The following PIGN variants were observed in gnomAD, a reference collection of about 807,000 sequenced individuals.
PIGN encodes the protein GPI ethanolamine phosphate transferase 1.
In PIGN, 117 loss-of-function variants were observed where a neutral mutation model predicts 125.4. The ratio of observed to expected loss-of-function variants is 0.93; its 90% CI spans 0.80 to 1.09. The LOEUF is 1.09. Ranked by LOEUF, PIGN falls within the 50% of genes least tolerant of loss-of-function variation. The probability of loss-of-function intolerance (pLI) is 0.00; values close to 1 mark genes in which losing one functional copy is unlikely to be tolerated. For synonymous variants in PIGN, 392 were observed against 377.8 expected (o/e 1.04, Z -0.44); for missense variants, 1,075 against 1,094.9 (o/e 0.98, Z 0.26).
downstream of PIGN, among the ~76,000 whole-genome samples, chr18:62,038,663 T>A (rs1343979031): frequency 1.3e-5 from 2 of 152,166 alleles, no homozygotes; most frequent in Admixed American, 1.3e-4. Flanking sequence ...CTGGGCACAG[T>A]GGCTCGTGCC....
Position 62,072,729 on chromosome 18 carries a change from T to TA in PIGN, c.2620-5dup, listed in dbSNP as rs11437076. The TA allele has an allele frequency of 0.2, 280,576 of 1,380,380 alleles. 5,345 individuals carry two copies. The highest frequency in any genetic ancestry group is 0.41 in the East Asian group (16,574 of 40,478). 85.5% of individuals were successfully genotyped at this position (1,380,380 alleles called of 1,614,324 possible). ...CCTTGACCAAGAAGAAAAAATGCTG[T>TA]AAAAAAAAAAAAAGGCTTAATGAAA... is the stretch of plus-strand genomic sequence containing the variant. On this transcript the variant is annotated splice_polypyrimidine_tract_variant and splice_region_variant and intron_variant, in intron 29 of 30. Transcript: ENST00000640252.
intron 30 of PIGN, among the ~76,000 whole-genome samples, chr18:62,058,198 C>T (rs1599415800): frequency 6.7e-6 from 1 of 149,034 alleles, no homozygotes; most frequent in South Asian, 2.1e-4. Context: ...ATTTCCTTAA[C>T]CCTTTTTCCT....
intron 23 of PIGN, among the ~76,000 whole-genome samples, chr18:62,034,161 T>C (rs1235390365): frequency 1.3e-5 from 2 of 152,232 alleles, no homozygotes; most frequent in African/African-American, 4.8e-5. Flanking sequence ...TGAGGACCAA[T>C]AGATAAAATA....
intron 28 of PIGN, among the ~76,000 whole-genome samples, chr18:62,078,503 CA>C (rs1265476184): frequency 1.3e-5 from 2 of 152,338 alleles, no homozygotes; most frequent in Non-Finnish European, 2.9e-5. Context: ...TACTGACTCT[CA>C]GAGGCCTTCA....
At chr18:62,156,382 G>T (rs1001516243) in intron 6 of PIGN, among the ~76,000 whole-genome samples, 1 of 152,050 alleles carries the variant, frequency 6.6e-6, no homozygotes, top group African/African-American at 2.4e-5. Flanking sequence ...AGGCTGGAGT[G>T]CAGTGGCATA....
chr18:62,154,521 T>C (rs978812841), intron 7 of PIGN, 24 bp downstream of exon 7: 1 of 1,074,716 alleles, frequency 9.3e-7, no homozygotes, highest in Non-Finnish European at 1.4e-6. Flanking sequence ...GCTTTTTGTA[T>C]ATTAACCACT....
intron 15 of PIGN, among the ~76,000 whole-genome samples, chr18:62,114,089 C>T (rs754551326): frequency 4.6e-5 from 7 of 152,060 alleles, no homozygotes; most frequent in East Asian, 3.9e-4. Context: ...GGGCCGGGTG[C>T]GGTGGCTCAT....
In PIGN at chr18:62,148,041, T is replaced by C. The variant is rs1251201567; in HGVS notation, c.674+173A>G. Among the ~76,000 whole-genome samples the C allele has an allele frequency of 2.6e-5, 4 of 152,110 alleles. No homozygotes were observed. In the East Asian group the frequency reaches 7.7e-4, roughly 29 times the overall value. ...ATGTGCCATCTGGATACAGCACATA[T>C]GATTTAAACGACTATATTGGAAATC... On this transcript the variant is annotated intron_variant, in intron 8 of 30. Transcript: ENST00000640252.
In PIGN at chr18:62,094,092, T is replaced by G. The variant is rs554965235; in HGVS notation, c.2180+1756A>C. On this transcript the variant is annotated intron_variant, in intron 23 of 30. Coordinates refer to ENST00000640252, the MANE Select transcript of PIGN (RefSeq NM_176787.5). ...TTATGATTATGCTTATTATGATAATTTGTTTGGGCATCTCCTATGACTATT... is the reference window on the plus strand; with the variant it reads ...TTATGATTATGCTTATTATGATAATGTGTTTGGGCATCTCCTATGACTATT... Among the ~76,000 whole-genome samples the G allele has an allele frequency of 2.6e-5, 4 of 152,182 alleles. No individual in the cohort carries two copies. The South Asian group carries it at 8.3e-4, about 32-fold the overall frequency.
intron 14 of PIGN, among the ~76,000 whole-genome samples, chr18:62,127,967 T>C (rs914055916): frequency 1.3e-5 from 2 of 152,106 alleles, no homozygotes; most frequent in African/African-American, 4.8e-5. Flanking sequence ...AGAAAATGCA[T>C]GGGAAACTAC....
At chr18:62,142,141 T>C (rs548665235) in intron 11 of PIGN, among the ~76,000 whole-genome samples, 1 of 152,374 alleles carries the variant, frequency 6.6e-6, no homozygotes, top group South Asian at 2.1e-4. Flanking sequence ...GTATCTGTTC[T>C]TACCCCTAAG....
At chr18:62,020,878 G>A (rs975981192) in intron 23 of PIGN, among the ~76,000 whole-genome samples, 4 of 151,346 alleles carry the variant, frequency 2.6e-5, no homozygotes, top group Non-Finnish European at 4.4e-5. Context: ...GGAGAATGGC[G>A]TGAACCTGGC....
chr18:62,110,076 A>G (rs940404363), intron 16 of PIGN, 103 bp from the exon 17 acceptor site: 4 of 1,005,112 alleles, frequency 4.0e-6, no homozygotes, highest in African/African-American at 3.2e-5. Context: ...CTTTCTTTCA[A>G]TGGTTATACT....
intron 29 of PIGN, among the ~76,000 whole-genome samples, 193 bp downstream of exon 29, chr18:62,074,585 CT>C (rs1267128872): frequency 2.0e-5 from 3 of 152,128 alleles, no homozygotes; most frequent in African/African-American, 7.2e-5. Flanking sequence ...AGTAGTAAGA[CT>C]TTTGACACCT....
intron 23 of PIGN, among the ~76,000 whole-genome samples, 159 bp downstream of exon 23, chr18:62,095,689 A>G (rs1375872074): frequency 6.6e-6 from 1 of 152,206 alleles, no homozygotes; most frequent in Non-Finnish European, 1.5e-5. Flanking sequence ...TTACAGATCA[A>G]GTCAGATACA....
rs2036943101 is a variant in PIGN, at chr18:62,161,266, G to T, written c.88C>A (p.His30Asn). Residue 30 changes from histidine (H) to asparagine (N), a missense_variant, in exon 4 of 31, where the codon CAT (histidine) becomes AAT (asparagine). Coordinates refer to ENST00000640252, the MANE Select transcript of PIGN (RefSeq NM_176787.5). ...GGTGTAAACTGAGGAGTCATTCCAT[G>T]AACCAAAGGAGATGTAAAATAAATG... ...FDIYFTSPLV[H>N]GMTPQFTPLP... 6.2e-7 allele frequency: 1 copy of T among 1,613,490 alleles called. No homozygotes were observed. Among genetic ancestry groups the T allele is most frequent in the Admixed American group, 1.7e-5 (1 of 59,952 alleles).
At chr18:62,100,610 G>C (rs1045044553) in intron 22 of PIGN, among the ~76,000 whole-genome samples, 1 of 152,112 alleles carries the variant, frequency 6.6e-6, no homozygotes, top group Non-Finnish European at 1.5e-5. Context: ...TAATTAAGAG[G>C]ACTACATAGA....
At chr18:62,137,291 A>C in intron 14 of PIGN, 1 of 413,704 alleles carries the variant, frequency 2.4e-6, no homozygotes. Flanking sequence ...TTGGCCACAG[A>C]CTGAAGGCTA....
chr18:62,042,402 A>T lies in PIGN; in HGVS notation c.*3454T>A, dbSNP rs1006181714. The T allele has an allele frequency of 6.6e-6, 1 of 152,228 alleles. No individual in the cohort carries two copies. The highest frequency in any genetic ancestry group is 1.5e-5 in the Non-Finnish European group (1 of 68,038). 9.4% of individuals were successfully genotyped at this position (152,228 alleles called of 1,614,324 possible). A position where few individuals can be genotyped will look rare whatever the true frequency, so the allele number is the denominator to read the frequency against. Reference sequence around the variant, plus strand: ...TTACAAGGAACCAATGTTCTAAGGGACAATCTCTGATAAATGCTGCTGTGT... The same window carrying T: ...TTACAAGGAACCAATGTTCTAAGGGTCAATCTCTGATAAATGCTGCTGTGT... On this transcript the variant is annotated 3_prime_UTR_variant, in exon 31 of 31. Coordinates refer to ENST00000640252, the MANE Select transcript of PIGN (RefSeq NM_176787.5).
Sources: gnomAD v4.1 joint callset for allele counts (sites outside exome capture counted in the v4.1 genomes callset) on GRCh38, gnomAD v4.1.1 for gene constraint, MANE v1.5 for transcripts, NCBI Gene and HGNC (gene_info 2026-07-23, HGNC 2026-07-21) for gene names.